ANKS3: variants seen among roughly 807,000 people sequenced by gnomAD.
ANKS3 encodes the protein ankyrin repeat and sterile alpha motif domain containing 3, also known as ankyrin repeat and SAM domain-containing protein 3.
A neutral mutation model predicts 80.7 loss-of-function variants in ANKS3; 62 were observed. That is an observed-to-expected ratio of 0.77 (90% CI 0.63 to 0.95). The LOEUF (loss-of-function observed/expected upper bound fraction) is 0.95, where lower values mean the gene tolerates loss of function less well. Ranked by LOEUF, ANKS3 falls within the 40% of genes least tolerant of loss-of-function variation. The pLI, the probability that ANKS3 is intolerant of heterozygous loss-of-function variation, is 0.00. For missense variants in ANKS3, 1,150 were observed against 883.6 expected (o/e 1.30, Z -3.82); for synonymous variants, 489 against 355.3 (o/e 1.38, Z -4.23).
rs376883656 is a variant in ANKS3 at position 4,702,252 on chromosome 16, G to A, written c.869-10C>T. ...CGGGGAGGAGCCTGCTCTGTGTACA[G>A]AATGGGGCCCATAAGCCCAGGGAAC... On this transcript the variant is annotated splice_polypyrimidine_tract_variant and intron_variant, in intron 8 of 17. Transcript: ENST00000304283. 6.6e-7 allele frequency: 1 copy of A among 1,522,020 alleles called. No individual in the cohort carries two copies. The highest frequency in any genetic ancestry group is 8.8e-7 in the Non-Finnish European group (1 of 1,136,212). 94.3% of individuals were successfully genotyped at this position (1,522,020 alleles called of 1,614,324 possible).
rs1417605893 is a variant in ANKS3 at position 4,701,613 on chromosome 16, C to CT, written c.1010-71dup. 2.9e-6 allele frequency: 4 copies of CT among 1,374,864 alleles called. No individual in the cohort carries two copies. The East Asian group carries it at 9.9e-5, about 34-fold the overall frequency. 85.2% of individuals were successfully genotyped at this position (1,374,864 alleles called of 1,614,324 possible). A position where few individuals can be genotyped will look rare whatever the true frequency, so the allele number is the denominator to read the frequency against. On this transcript the variant is annotated intron_variant, in intron 9 of 17. Transcript: ENST00000304283. Reference sequence around the variant, plus strand: ...GTGCTGCGCATGGGCGTGCCCCGGGCTGAGCCGCCTCCACCAGGGCACTCC... The same window carrying CT: ...GTGCTGCGCATGGGCGTGCCCCGGGCTTGAGCCGCCTCCACCAGGGCACTCC...
intron 8 of ANKS3, among the ~76,000 whole-genome samples, chr16:4,704,146 G>C (rs1267490785): frequency 1.3e-5 from 2 of 152,192 alleles, no homozygotes; most frequent in Non-Finnish European, 2.9e-5. Flanking sequence ...CAGTGGCCCA[G>C]TCAGCTCACC....
At position 4,698,484 on chromosome 16, in the gene ANKS3, C is replaced by T. The variant is rs199765749; in HGVS notation, c.1667G>A (p.Arg556Gln). Residue 556 changes from arginine (R) to glutamine (Q), a missense_variant, in exon 14 of 18, where the codon CGG becomes CAG. By Grantham distance (43) the Arg-to-Gln change is conservative. Coordinates refer to ENST00000304283, the MANE Select transcript of ANKS3 (RefSeq NM_133450.4). ...GGCCAGGGCCCACGTCTCCCGCAGC[C>T]GGGCCTGGAGGTCCTCGCGGGCGCG... ...QDRAREDLQA[R>Q]LRETWALARD... 4.5e-5 allele frequency: 70 copies of T among 1,550,496 alleles called. No individual in the cohort carries two copies. The highest frequency in any genetic ancestry group is 1.4e-4 in the African/African-American group (10 of 73,710).
intron 7 of ANKS3, among the ~76,000 whole-genome samples, chr16:4,711,544 C>A (rs1264623232): frequency 1.3e-5 from 2 of 151,656 alleles, no homozygotes; most frequent in South Asian, 4.2e-4. Context: ...CATGGAGAAA[C>A]CCTGTCTCTA....
At chr16:4,713,653 T>C (rs1194839554) in intron 7 of ANKS3, among the ~76,000 whole-genome samples, 1 of 152,224 alleles carries the variant, frequency 6.6e-6, no homozygotes, top group African/African-American at 2.4e-5. Flanking sequence ...ATAGTTAATT[T>C]ATACATTGTC....
intron 8 of ANKS3, among the ~76,000 whole-genome samples, chr16:4,703,423 T>G (rs375717911): frequency 1.7e-4 from 7 of 41,888 alleles, no homozygotes; most frequent in African/African-American, 4.7e-4. Flanking sequence ...CCCCCCCAAT[T>G]TTTTTTTTTT....
At position 4,699,331 on chromosome 16, in the gene ANKS3, C is replaced by T. The variant is rs974473322; in HGVS notation, c.1285-155G>A. 20 of 1,030,308 alleles carry T rather than the reference C, an allele frequency of 1.9e-5. No individual in the cohort carries two copies. In the Admixed American group the frequency reaches 4.3e-4, roughly 22 times the overall value. 63.8% of individuals were successfully genotyped at this position (1,030,308 alleles called of 1,614,324 possible). ...GCTGTCCCCTCCTACTCTGGTGGCT[C>T]AGGCAGGGCAGGATGTTGCAGGCAG... On this transcript the variant is annotated intron_variant, in intron 11 of 17. Coordinates refer to ENST00000304283, the MANE Select transcript of ANKS3 (RefSeq NM_133450.4).
chr16:4,714,635 A>G (rs2142091080), intron 6 of ANKS3, among the ~76,000 whole-genome samples: 1 of 152,362 alleles, frequency 6.6e-6, no homozygotes, highest in South Asian at 2.1e-4. Flanking sequence ...TTGCAGCGCA[A>G]CAATTCCACT....
intron 7 of ANKS3, among the ~76,000 whole-genome samples, chr16:4,708,507 C>T (rs1317046309): frequency 6.6e-6 from 1 of 152,028 alleles, no homozygotes; most frequent in Non-Finnish European, 1.5e-5. Flanking sequence ...AAAACTAGAA[C>T]AACAAAGTAA....
chr16:4,698,446 G>T lies in ANKS3; in HGVS notation c.1705C>A (p.Leu569Ile). The T allele has an allele frequency of 6.5e-7, 1 of 1,536,588 alleles. No individual in the cohort carries two copies. Among genetic ancestry groups the T allele is most frequent in the Non-Finnish European group, 8.7e-7 (1 of 1,147,966 alleles). Residue 569 changes from leucine to isoleucine, a missense_variant, in exon 14 of 18, where the codon CTC (leucine) becomes ATC (isoleucine). Coordinates refer to ENST00000304283, the MANE Select transcript of ANKS3 (RefSeq NM_133450.4). Reference protein sequence around the residue: ...ETWALARDAALVLDQLRACQA... With the variant: ...ETWALARDAAIVLDQLRACQA... ...ACTCACCGCAGCTGGTCCAGGACGA[G>T]GGCAGCATCCCGGGCCAGGGCCCAC...
intron 10 of ANKS3, 102 bp downstream of exon 10, chr16:4,701,332 C>T (rs2079891053): frequency 2.2e-6 from 3 of 1,345,634 alleles, no homozygotes; most frequent in Admixed American, 2.3e-5. Flanking sequence ...ACACGTGCAG[C>T]AGCTGCTTCT....
At chr16:4,702,364 C>A in intron 8 of ANKS3, 122 bp from the exon 9 acceptor site, 1 of 1,033,498 alleles carries the variant, frequency 9.7e-7, no homozygotes, top group Non-Finnish European at 1.3e-6. Flanking sequence ...GCCCCTGCGA[C>A]CTGGCATGGC....
intron 11 of ANKS3, chr16:4,700,756 C>T: frequency 1.3e-6 from 1 of 761,870 alleles, no homozygotes; most frequent in Non-Finnish European, 2.3e-6. Context: ...GGAGACAGGT[C>T]CTTTCCGTGG....
chr16:4,726,676 TC>T lies in ANKS3; in HGVS notation c.473del (p.Gly158GlufsTer6). ...QHMVRFLLDS[G>X]ANANVREPIC... Reference sequence around the variant, plus strand: ...GCAATCACCTCACGTTGGCATTGGCTCCACTGTCCAAGAGGAACCTGACCAT... The same window carrying T: ...GCAATCACCTCACGTTGGCATTGGCTCACTGTCCAAGAGGAACCTGACCAT... On this transcript the variant is annotated frameshift_variant, in exon 5 of 18. Transcript: ENST00000304283. LOFTEE classifies it high-confidence loss of function. 1.2e-6 allele frequency: 2 copies of T among 1,613,954 alleles called. No homozygotes were observed. The highest frequency in any genetic ancestry group is 1.7e-6 in the Non-Finnish European group (2 of 1,179,848).
chr16:4,718,278 G>A (rs2080908563), intron 6 of ANKS3, among the ~76,000 whole-genome samples: 1 of 151,968 alleles, frequency 6.6e-6, no homozygotes, highest in South Asian at 2.1e-4. Context: ...ATTTTATAAT[G>A]TCCATATTAC....
chr16:4,710,446 G>C (rs867781883), intron 7 of ANKS3, among the ~76,000 whole-genome samples: 1 of 152,178 alleles, frequency 6.6e-6, no homozygotes, highest in Non-Finnish European at 1.5e-5. Flanking sequence ...AGTAGCTCAT[G>C]CCTGTAGTCC....
Position 4,717,497 on chromosome 16 carries a change from G to A in ANKS3, c.574-3311C>T, listed in dbSNP as rs569490037. On this transcript the variant is annotated intron_variant, in intron 6 of 17. Transcript: ENST00000304283. Reference sequence around the variant, plus strand: ...GCAGGAGAATCGCTTCAACACGGGAGGCAGAGATTGCAGTAAGCTGCTGCA... The same window carrying A: ...GCAGGAGAATCGCTTCAACACGGGAAGCAGAGATTGCAGTAAGCTGCTGCA... 3.9e-5 allele frequency: 6 copies of A among 152,032 alleles called. No homozygotes were observed. The East Asian group carries it at 7.8e-4, about 20-fold the overall frequency. 9.4% of individuals were successfully genotyped at this position (152,032 alleles called of 1,614,324 possible).
intron 6 of ANKS3, among the ~76,000 whole-genome samples, chr16:4,724,177 A>G (rs1400578933): frequency 6.6e-6 from 1 of 152,264 alleles, no homozygotes; most frequent in Non-Finnish European, 1.5e-5. Context: ...CAAAATGTTA[A>G]AAACTAAGTT....
Position 4,699,192 on chromosome 16 carries a change from G to A in ANKS3, c.1285-16C>T. ...CGGCAAGGTCCTGGCAGGCACAGGGGACAGGTTGGGGGAGGTAGTGGCTGA... is the reference window on the plus strand; with the variant it reads ...CGGCAAGGTCCTGGCAGGCACAGGGAACAGGTTGGGGGAGGTAGTGGCTGA... On this transcript the variant is annotated splice_polypyrimidine_tract_variant and intron_variant, in intron 11 of 17. Transcript: ENST00000304283. 1.2e-6 allele frequency: 2 copies of A among 1,613,590 alleles called. No homozygotes were observed. Among genetic ancestry groups the A allele is most frequent in the South Asian group, 1.1e-5 (1 of 91,006 alleles).
Sources: allele counts gnomAD v4.1 joint callset (sites outside exome capture counted in the v4.1 genomes callset), GRCh38; gene constraint gnomAD v4.1.1; transcripts MANE v1.5; gene names NCBI Gene and HGNC (gene_info 2026-07-23, HGNC 2026-07-21).